Variants in SHANK2 observed in about 807,000 individuals in gnomAD.
SHANK2 encodes SH3 and multiple ankyrin repeat domains protein 2.
SHANK2 carries 43 observed loss-of-function variants against 133.7 expected under a neutral mutation model. The observed-to-expected ratio is 0.32, with a 90% confidence interval of 0.25 to 0.41. The LOEUF is 0.41. Among genes scored for constraint, SHANK2 ranks in the 10% least tolerant of loss-of-function variants. The pLI, the probability that SHANK2 is intolerant of heterozygous loss-of-function variation, is 1.00. For missense variants in SHANK2, 1,994 were observed against 2,235.8 expected (o/e 0.89, Z 2.18); for synonymous variants, 1,017 against 952.8 (o/e 1.07, Z -1.24).
chr11:71,170,278 G>T (rs1953286955), intron 2 of SHANK2, among the ~76,000 whole-genome samples: 1 of 152,110 alleles, frequency 6.6e-6, no homozygotes, highest in African/African-American at 2.4e-5. Context: ...AACACAGATT[G>T]TGCAAAATGC....
At chr11:71,181,465 C>T (rs1412781984) in intron 2 of SHANK2, among the ~76,000 whole-genome samples, 2 of 152,028 alleles carry the variant, frequency 1.3e-5, no homozygotes, top group East Asian at 3.9e-4. Flanking sequence ...TAATGAGGCT[C>T]TAAAAGCAAA....
intron 2 of SHANK2, among the ~76,000 whole-genome samples, chr11:71,220,813 T>C (rs1044954198): frequency 1.3e-5 from 2 of 152,034 alleles, no homozygotes; most frequent in Non-Finnish European, 2.9e-5. Context: ...AGAGTTTCAG[T>C]TTGGAAAGAC....
chr11:70,468,157 CCTTTTTTTTTTT>C lies in SHANK2; in HGVS notation c.*4700_*4711del, dbSNP rs1344597297. ...CCAAGGCACACACTTTATTTTTTTT[CCTTTTTTTTTTT>C]CTTTTCTGTGTTTATTTGAAGGCTC... On this transcript the variant is annotated 3_prime_UTR_variant, in exon 26 of 26. Coordinates refer to ENST00000601538, the MANE Select transcript of SHANK2 (RefSeq NM_012309.5). 1 of 150,854 alleles carries C rather than the reference CCTTTTTTTTTTT, an allele frequency of 6.6e-6. No individual in the cohort carries two copies. Among genetic ancestry groups the C allele is most frequent in the African/African-American group, 2.5e-5 (1 of 40,474 alleles). 9.3% of individuals were successfully genotyped at this position (150,854 alleles called of 1,614,324 possible). A position where few individuals can be genotyped will look rare whatever the true frequency, so the allele number is the denominator to read the frequency against.
chr11:70,640,801 A>G (rs1555006026), intron 17 of SHANK2, among the ~76,000 whole-genome samples: 1 of 152,242 alleles, frequency 6.6e-6, no homozygotes, highest in Non-Finnish European at 1.5e-5. Context: ...ACTCATCTGT[A>G]AAACGGAGAG....
rs1191382012 is a variant in SHANK2 at position 71,090,172 on chromosome 11, C to CTGTGTGTGTGTG, written c.912+2238_912+2249dup. On this transcript the variant is annotated intron_variant, in intron 8 of 25. Transcript: ENST00000601538. ...CCAGGGTTCTCCAGAGAAACACAAC[C>CTGTGTGTGTGTG]TGTGTGTGTGTGTGTGTGTGTGTGT... Among the ~76,000 whole-genome samples the CTGTGTGTGTGTG allele has an allele frequency of 2.5e-4, 22 of 87,302 alleles. 1 individual carries two copies. The highest frequency in any genetic ancestry group is 1.0e-3 in the African/African-American group (19 of 18,660). 57.3% of individuals were successfully genotyped at this position (87,302 alleles called of 152,430 possible). A position where few individuals can be genotyped will look rare whatever the true frequency, so the allele number is the denominator to read the frequency against.
At position 70,487,649 on chromosome 11, in the gene SHANK2, C is replaced by G; in HGVS notation, c.2644G>C (p.Asp882His). 1.3e-6 allele frequency: 2 copies of G among 1,598,196 alleles called. No individual in the cohort carries two copies. The highest frequency in any genetic ancestry group is 1.7e-6 in the Non-Finnish European group (2 of 1,172,372). ...GGAGGGGGGATGTCCTCAGAGGTGT[C>G]CGGCATGGACAGGCTTCTGGTGAAC... is the stretch of plus-strand genomic sequence containing the variant. The part of the protein sequence containing the change: ...LKFTRSLSMP[D>H]TSEDIPPPPQ... The change falls in exon 25 of 26, where the codon GAC (aspartate) becomes CAC (histidine). Residue 882 changes from aspartate to histidine, a missense_variant. Asp to His is a moderately conservative substitution (Grantham distance 81). Transcript: ENST00000601538. This position sits in a 1 kb window ranked among gnomAD's most constrained non-coding sequence, Gnocchi z 5.8.
intron 25 of SHANK2, among the ~76,000 whole-genome samples, chr11:70,481,719 C>T (rs2058735584): frequency 6.6e-6 from 1 of 152,242 alleles, no homozygotes; most frequent in Non-Finnish European, 1.5e-5. Context: ...CCTCATTTTG[C>T]CCAGGGCCAT....
At chr11:70,867,560 A>C (rs535139662) in intron 11 of SHANK2, among the ~76,000 whole-genome samples, 1 of 152,314 alleles carries the variant, frequency 6.6e-6, no homozygotes, top group South Asian at 2.1e-4. Flanking sequence ...CCAGCCAGAA[A>C]AGTCTGCCCA....
chr11:71,240,491 G>A (rs1433157418), intron 1 of SHANK2, among the ~76,000 whole-genome samples: 1 of 152,208 alleles, frequency 6.6e-6, no homozygotes, highest in Non-Finnish European at 1.5e-5. Context: ...TGGCGGTGGA[G>A]GCGGGGACAC....
intron 1 of SHANK2, among the ~76,000 whole-genome samples, chr11:71,247,267 G>A (rs141324217): frequency 0.011 from 1,672 of 152,158 alleles, 88 homozygotes; most frequent in Admixed American, 0.092. Flanking sequence ...TTAAAATATC[G>A]ATATTTACCT....
At chr11:70,796,351 G>A (rs1185061553) in intron 14 of SHANK2, among the ~76,000 whole-genome samples, 1 of 152,204 alleles carries the variant, frequency 6.6e-6, no homozygotes, top group African/African-American at 2.4e-5. Context: ...CCCCTACGCA[G>A]CAGCCCTCCA....
At chr11:70,855,525 C>T (rs1282664484) in intron 11 of SHANK2, among the ~76,000 whole-genome samples, 1 of 152,208 alleles carries the variant, frequency 6.6e-6, no homozygotes, top group East Asian at 1.9e-4. Context: ...TAGCTCTGAC[C>T]AGGGCATCTG....
intron 15 of SHANK2, among the ~76,000 whole-genome samples, chr11:70,672,560 C>G (rs112537644): frequency 2.0e-5 from 3 of 152,374 alleles, no homozygotes; most frequent in African/African-American, 7.2e-5. Context: ...TGCTCCAGGT[C>G]TCCCCGAGCC....
intron 17 of SHANK2, among the ~76,000 whole-genome samples, chr11:70,548,210 C>T (rs1264978945): frequency 6.6e-6 from 1 of 152,270 alleles, no homozygotes; most frequent in African/African-American, 2.4e-5. Flanking sequence ...CTGCTCTCCC[C>T]ACTCAGCGGC....
intron 17 of SHANK2, among the ~76,000 whole-genome samples, chr11:70,639,148 T>C (rs1402755527): frequency 6.6e-6 from 1 of 152,154 alleles, no homozygotes; most frequent in Non-Finnish European, 1.5e-5. Context: ...TGCCACTCCC[T>C]GATGGCATCT....
intron 17 of SHANK2, among the ~76,000 whole-genome samples, chr11:70,557,648 G>T (rs1554979938): frequency 6.6e-6 from 1 of 152,162 alleles, no homozygotes; most frequent in African/African-American, 2.4e-5. Flanking sequence ...TGGGTGGGGG[G>T]CCCTCACAGC....
chr11:70,718,813 G>A (rs1297976894), intron 14 of SHANK2, among the ~76,000 whole-genome samples: 5 of 151,288 alleles, frequency 3.3e-5, no homozygotes, highest in African/African-American at 1.2e-4. Flanking sequence ...AGAAGGGGTT[G>A]GGGATACTCA....
At position 70,473,405 on chromosome 11, in the gene SHANK2, G is replaced by T; in HGVS notation, c.5014C>A (p.Arg1672=). ...ACAGTGAAGGTGACCGTCGTGCTCC[G>T]TGTACCTGAGATGGTGCTCATGATC... is the stretch of plus-strand genomic sequence containing the variant. The part of the protein sequence containing the change: ...PEIMSTISGT[R]STTVTFTVRP... The change falls in exon 26 of 26, where the codon CGG becomes AGG. Residue 1672 remains arginine, a synonymous_variant. Transcript: ENST00000601538. This position sits in a 1 kb window ranked among gnomAD's most constrained non-coding sequence, Gnocchi z 5.9. 6.2e-7 allele frequency: 1 copy of T among 1,607,298 alleles called. No individual in the cohort carries two copies. Among genetic ancestry groups the T allele is most frequent in the East Asian group, 2.2e-5 (1 of 44,876 alleles).
chr11:71,210,903 A>G (rs10897780), intron 2 of SHANK2, among the ~76,000 whole-genome samples: 57,335 of 152,108 alleles, frequency 0.38, 13,791 homozygotes, highest in African/African-American at 0.66. Context: ...CACTCCCCTC[A>G]TCCTCACGGA....
Sources: allele counts gnomAD v4.1 joint callset (sites outside exome capture counted in the v4.1 genomes callset), GRCh38; gene constraint gnomAD v4.1.1; non-coding constraint Gnocchi (gnomAD v3.1); transcripts MANE v1.5; gene names NCBI Gene and HGNC (gene_info 2026-07-23, HGNC 2026-07-21).